Variants in CFAP57 observed in about 807,000 individuals in gnomAD.
CFAP57 encodes the protein cilia and flagella associated protein 57.
CFAP57 carries 116 observed loss-of-function variants against 146.8 expected under a neutral mutation model. That is an observed-to-expected ratio of 0.79 (90% CI 0.68 to 0.92). CFAP57 has a LOEUF of 0.92. Ranked by LOEUF, CFAP57 falls within the 40% of genes least tolerant of loss-of-function variation. The pLI, the probability that CFAP57 is intolerant of heterozygous loss-of-function variation, is 0.00. For synonymous variants in CFAP57, 518 were observed against 552.8 expected (o/e 0.94, Z 0.88); for missense variants, 1,377 against 1,527.2 (o/e 0.90, Z 1.64).
chr1:43,184,540 A>C (rs1256754744), intron 4 of CFAP57, among the ~76,000 whole-genome samples: 1 of 152,092 alleles, frequency 6.6e-6, no homozygotes, highest in Non-Finnish European at 1.5e-5. Context: ...TTTTGTAGAC[A>C]AGGAAACTGA....
chr1:43,173,053 G>A (rs1645038145), intron 2 of CFAP57, 143 bp downstream of exon 2: 5 of 715,518 alleles, frequency 7.0e-6, no homozygotes, highest in East Asian at 5.4e-5. Flanking sequence ...AATAAATGGC[G>A]ACTTGTATTA....
chr1:43,229,471 C>T (rs1645385294), intron 18 of CFAP57, among the ~76,000 whole-genome samples: 1 of 148,672 alleles, frequency 6.7e-6, no homozygotes. Context: ...GGGTCATAGA[C>T]ACCTTTGGTT....
intron 2 of CFAP57, among the ~76,000 whole-genome samples, chr1:43,180,362 A>AT (rs1299385730): frequency 1.3e-5 from 2 of 151,670 alleles, no homozygotes; most frequent in African/African-American, 4.8e-5. Flanking sequence ...GTTTTTTCTG[A>AT]TTTTCAAATA....
At chr1:43,210,417 G>A in intron 11 of CFAP57, 1 of 1,185,480 alleles carries the variant, frequency 8.4e-7, no homozygotes, top group South Asian at 2.3e-5. Context: ...AAATGTGGAA[G>A]CAACCAAGCA....
intron 6 of CFAP57, among the ~76,000 whole-genome samples, chr1:43,196,698 TAACCTACA>T (rs1182519218): frequency 6.6e-6 from 1 of 152,234 alleles, no homozygotes; most frequent in Non-Finnish European, 1.5e-5. Context: ...CAGACATCTG[TAACCTACA>T]TAACCAGTGC....
intron 22 of CFAP57, among the ~76,000 whole-genome samples, chr1:43,252,507 CT>C (rs572396699): frequency 8.0e-4 from 122 of 151,916 alleles, no homozygotes; most frequent in African/African-American, 2.8e-3. Context: ...GGAGGAGTAC[CT>C]TTTAAATATA....
At chr1:43,174,791 G>A (rs915290632) in intron 2 of CFAP57, among the ~76,000 whole-genome samples, 6 of 152,104 alleles carry the variant, frequency 3.9e-5, no homozygotes, top group African/African-American at 1.2e-4. Context: ...ACTCCAGCCT[G>A]GGAAACCAAG....
chr1:43,227,075 A>G lies in CFAP57; in HGVS notation c.2958A>G (p.Gln986=). The change falls in exon 18 of 23, where the codon CAA becomes CAG. Residue 986 remains glutamine, a synonymous_variant. Coordinates refer to ENST00000372492, the MANE Select transcript of CFAP57 (RefSeq NM_001378189.1). ...ACAAAATAAAGGAGCTGAAGAAGCA[A>G]ATAGAACCTCGAGAGAATGAGATCA... is the stretch of plus-strand genomic sequence containing the variant. The part of the protein sequence containing the change: ...LDYKIKELKK[Q]IEPRENEIRV... 2 of 1,545,414 alleles carry G rather than the reference A, an allele frequency of 1.3e-6. No homozygotes were observed. Among genetic ancestry groups the G allele is most frequent in the Admixed American group, 2.0e-5 (1 of 50,156 alleles).
chr1:43,206,818 G>A lies in CFAP57; in HGVS notation c.1641G>A (p.Glu547=), dbSNP rs1339283908. The change falls in exon 10 of 23, where the codon GAG becomes GAA. Residue 547 remains glutamate (E), a synonymous_variant. Transcript: ENST00000372492. ...GGAATCTGTCCACAGGAAAGAGAGA[G>A]ACAGAATGCGTGCTCAAGTCTTGCA... The part of the protein sequence containing the change: ...YEWNLSTGKR[E]TECVLKSCSY... 1.2e-6 allele frequency: 2 copies of A among 1,614,164 alleles called. No homozygotes were observed. The highest frequency in any genetic ancestry group is 1.7e-6 in the Non-Finnish European group (2 of 1,180,032).
intron 6 of CFAP57, among the ~76,000 whole-genome samples, chr1:43,196,192 G>A (rs1009160547): frequency 9.2e-5 from 14 of 152,232 alleles, no homozygotes; most frequent in Non-Finnish European, 2.1e-4. Context: ...GCCCACTTGT[G>A]TGATTCCCCA....
At chr1:43,193,464 T>G (rs540786516) in intron 6 of CFAP57, among the ~76,000 whole-genome samples, 27 of 152,196 alleles carry the variant, frequency 1.8e-4, no homozygotes, top group African/African-American at 6.3e-4. Flanking sequence ...TAAGTAAAAT[T>G]TTAAGGTAGT....
rs1014050333 is a variant in CFAP57, at chr1:43,201,666, A to T, written c.1542+2163A>T. Among the ~76,000 whole-genome samples the T allele has an allele frequency of 6.6e-6, 1 of 152,182 alleles. No individual in the cohort carries two copies. Among genetic ancestry groups the T allele is most frequent in the African/African-American group, 2.4e-5 (1 of 41,440 alleles). Reference sequence around the variant, plus strand: ...GTTTCGCTTTCGTTGCCCAGGCTGGAGTGCAATGGCACAATCTCAGCTCAC... The same window carrying T: ...GTTTCGCTTTCGTTGCCCAGGCTGGTGTGCAATGGCACAATCTCAGCTCAC... On this transcript the variant is annotated intron_variant, in intron 9 of 22. Transcript: ENST00000372492. This position sits in a 1 kb window ranked among gnomAD's most constrained non-coding sequence, Gnocchi z 4.4.
intron 6 of CFAP57, among the ~76,000 whole-genome samples, chr1:43,189,908 A>G (rs1643390039): frequency 6.6e-6 from 1 of 152,176 alleles, no homozygotes; most frequent in South Asian, 2.1e-4. Flanking sequence ...CTCATCACCA[A>G]GGGGATGTCA....
chr1:43,241,004 G>A (rs1645894239), intron 21 of CFAP57, among the ~76,000 whole-genome samples: 2 of 152,078 alleles, frequency 1.3e-5, no homozygotes, highest in South Asian at 4.2e-4. Flanking sequence ...CCGGCTAACT[G>A]TTTGTATTTT....
Position 43,181,800 on chromosome 1 carries a change from A to G in CFAP57, c.424A>G (p.Lys142Glu), listed in dbSNP as rs765164246. ...TGTCTACTGGCTGTGGGAAAAACAG[A>G]AAGTAATGGCCATTGTTAGAATCGA... ...NLVYWLWEKQ[K>E]VMAIVRIDTQ... Residue 142 changes from lysine to glutamate, a missense_variant, in exon 3 of 23, where the codon AAA becomes GAA. By Grantham distance (56) the Lys-to-Glu change is moderately conservative (BLOSUM62 1). Coordinates refer to ENST00000372492, the MANE Select transcript of CFAP57 (RefSeq NM_001378189.1). The G allele has an allele frequency of 6.2e-7, 1 of 1,614,112 alleles. No individual in the cohort carries two copies. The highest frequency in any genetic ancestry group is 1.3e-5 in the African/African-American group (1 of 74,940).
chr1:43,239,923 T>C (rs954447513), intron 21 of CFAP57, among the ~76,000 whole-genome samples: 8 of 152,234 alleles, frequency 5.3e-5, no homozygotes, highest in African/African-American at 1.2e-4. Context: ...GCATTAGTTA[T>C]ACATTTTCTC....
chr1:43,252,831 A>G (rs766932688), intron 22 of CFAP57, among the ~76,000 whole-genome samples: 3 of 152,220 alleles, frequency 2.0e-5, no homozygotes, highest in Non-Finnish European at 2.9e-5. Flanking sequence ...TAGAAGCTCA[A>G]TGGACAGATT....
Position 43,197,647 on chromosome 1 carries a change from C to T in CFAP57, c.1217C>T (p.Thr406Ile), listed in dbSNP as rs1643921770. 6.2e-7 allele frequency: 1 copy of T among 1,614,164 alleles called. No homozygotes were observed. Among genetic ancestry groups the T allele is most frequent in the South Asian group, 1.1e-5 (1 of 91,080 alleles). The change falls in exon 7 of 23, where the codon ACC becomes ATC. Residue 406 changes from threonine to isoleucine, a missense_variant. Physicochemically the swap from Thr to Ile is moderately conservative, Grantham distance 89 (BLOSUM62 -1). Coordinates refer to ENST00000372492, the MANE Select transcript of CFAP57 (RefSeq NM_001378189.1). ...ATCIRKPLIA[T>I]CSLDRSIRLW... is the part of the protein sequence containing the mutation. ...TGCATCCGCAAACCCCTTATAGCCA[C>T]CTGTTCTCTGGATCGATCCATCCGC...
chr1:43,239,224 A>T (rs371172954), intron 21 of CFAP57, among the ~76,000 whole-genome samples: 1 of 145,248 alleles, frequency 6.9e-6, no homozygotes, highest in Non-Finnish European at 1.5e-5. Flanking sequence ...CTTTTCTTAC[A>T]TGAATACGTG....
Sources: gnomAD v4.1 joint callset for allele counts (sites outside exome capture counted in the v4.1 genomes callset) on GRCh38, gnomAD v4.1.1 for gene constraint, Gnocchi (gnomAD v3.1) non-coding constraint, MANE v1.5 for transcripts, NCBI Gene and HGNC (gene_info 2026-07-23, HGNC 2026-07-21) for gene names.